MAGI1: variants seen among roughly 807,000 people sequenced by gnomAD.
The protein encoded by MAGI1 is membrane associated guanylate kinase, WW and PDZ domain containing 1, also known as membrane-associated guanylate kinase, WW and PDZ domain-containing protein 1.
MAGI1 carries 58 observed loss-of-function variants against 139.9 expected under a neutral mutation model. The ratio of observed to expected loss-of-function variants is 0.41; its 90% CI spans 0.34 to 0.52. The LOEUF is 0.52. Ranked by LOEUF, MAGI1 falls within the 20% of genes least tolerant of loss-of-function variation. MAGI1 has a pLI of 0.12. For missense variants in MAGI1, 1,874 were observed against 1,901.6 expected, an observed-to-expected ratio of 0.99 and a Z score of 0.27; for synonymous variants, 812 against 737.9, an observed-to-expected ratio of 1.10 and a Z score of -1.63.
At chr3:65,608,268 C>A (rs1400305227) in intron 2 of MAGI1, among the ~76,000 whole-genome samples, 1 of 151,938 alleles carries the variant, frequency 6.6e-6, no homozygotes, top group Non-Finnish European at 1.5e-5. Flanking sequence ...ATGGTGAAAC[C>A]CAGTCTGTAC....
chr3:65,753,365 C>A (rs1220576908), intron 1 of MAGI1, among the ~76,000 whole-genome samples: 1 of 152,176 alleles, frequency 6.6e-6, no homozygotes, highest in Non-Finnish European at 1.5e-5. Flanking sequence ...TATTATCTCA[C>A]TGAATCTTCA....
chr3:65,916,538 A>G (rs528746465), intron 1 of MAGI1, among the ~76,000 whole-genome samples: 2 of 152,254 alleles, frequency 1.3e-5, no homozygotes, highest in South Asian at 4.2e-4. Context: ...ACCATCAGAT[A>G]TTGTGAGACT....
chr3:65,923,946 G>A (rs1576076135), intron 1 of MAGI1, among the ~76,000 whole-genome samples: 2 of 152,200 alleles, frequency 1.3e-5, no homozygotes, highest in African/African-American at 4.8e-5. Flanking sequence ...TTTATATTAA[G>A]AGTAATATTA....
intron 1 of MAGI1, among the ~76,000 whole-genome samples, chr3:65,805,179 AATCT>A (rs1175250533): frequency 1.3e-5 from 2 of 152,230 alleles, no homozygotes; most frequent in Non-Finnish European, 1.5e-5. Flanking sequence ...AAATTTTTGA[AATCT>A]ATCTATCTGA....
intron 1 of MAGI1, among the ~76,000 whole-genome samples, chr3:65,848,959 C>T (rs565444180): frequency 7.1e-6 from 1 of 141,170 alleles, no homozygotes; most frequent in East Asian, 2.4e-4. Context: ...ATCACTTGCA[C>T]TCCAAACACT....
Position 65,429,885 on chromosome 3 carries a change from T to G in MAGI1, c.1802A>C (p.Lys601Thr), listed in dbSNP as rs747607313. ...SPASHSSKTG[K>T]VNGMKDARPS... ...CCTGGCATCCTTCATGCCATTGACT[T>G]TGCCTGTTTTACTACTGTGGCTAGC... The change falls in exon 12 of 23, where the codon AAA (lysine) becomes ACA (threonine). Residue 601 changes from lysine (K) to threonine (T), a missense_variant. Lys to Thr is a moderately conservative substitution (Grantham distance 78). Transcript: ENST00000402939. 4.8e-5 allele frequency: 77 copies of G among 1,613,942 alleles called. No homozygotes were observed. The highest frequency in any genetic ancestry group is 6.8e-6 in the Non-Finnish European group (8 of 1,179,980).
At chr3:66,025,802 T>G (rs1230311285) in intron 1 of MAGI1, among the ~76,000 whole-genome samples, 3 of 152,178 alleles carry the variant, frequency 2.0e-5, no homozygotes, top group African/African-American at 7.2e-5. Flanking sequence ...CATATTTTTC[T>G]GCCATATTAA....
chr3:65,984,492 T>C (rs1312668504), intron 1 of MAGI1, among the ~76,000 whole-genome samples: 4 of 145,130 alleles, frequency 2.8e-5, no homozygotes, highest in African/African-American at 1.1e-4. Flanking sequence ...ACACGTTTAA[T>C]ATAATATTTT....
chr3:65,569,411 A>G (rs1399773329), intron 2 of MAGI1, among the ~76,000 whole-genome samples: 1 of 152,214 alleles, frequency 6.6e-6, no homozygotes, highest in Non-Finnish European at 1.5e-5. Flanking sequence ...ATATGCACTT[A>G]AAATGGTTAA....
chr3:65,548,797 A>G (rs956354928), intron 2 of MAGI1, among the ~76,000 whole-genome samples: 1 of 152,126 alleles, frequency 6.6e-6, no homozygotes, highest in African/African-American at 2.4e-5. Context: ...TACTGGGATT[A>G]CAGGTGTAAG....
At chr3:65,441,648 C>A (rs1370434436) in intron 8 of MAGI1, among the ~76,000 whole-genome samples, 1 of 152,120 alleles carries the variant, frequency 6.6e-6, no homozygotes, top group Non-Finnish European at 1.5e-5. Context: ...ATAGCAAAAA[C>A]CCCACAGTAC....
intron 1 of MAGI1, among the ~76,000 whole-genome samples, chr3:65,801,341 A>C (rs1302912267): frequency 6.6e-6 from 1 of 152,198 alleles, no homozygotes; most frequent in Non-Finnish European, 1.5e-5. Context: ...GAGGGAAAGA[A>C]AATCCAAAGC....
chr3:65,422,190 G>A (rs1946675849), intron 12 of MAGI1, among the ~76,000 whole-genome samples: 3 of 152,332 alleles, frequency 2.0e-5, no homozygotes. Context: ...AGCTCTTGAA[G>A]TGCGGACAGA....
chr3:65,792,507 T>G (rs1437613901), intron 1 of MAGI1, among the ~76,000 whole-genome samples: 4 of 82,106 alleles, frequency 4.9e-5, no homozygotes, highest in Non-Finnish European at 8.1e-5. Context: ...ACTAATACAG[T>G]TTTTTATTAA....
In MAGI1 at chr3:65,489,947, T is replaced by C. The variant is rs111900242; in HGVS notation, c.550+3565A>G. 7.0e-3 allele frequency among the ~76,000 whole-genome samples: 1,064 copies of C among 152,328 alleles called. 11 individuals are homozygous for C. The highest frequency in any genetic ancestry group is 7.6e-3 in the Non-Finnish European group (516 of 68,036). ...TCCTTTAAAGAGTGCTTTGTGTTGT[T>C]GTGGTAGACTTTTCCTCTCTGGAAC... On this transcript the variant is annotated intron_variant, in intron 3 of 22. Transcript: ENST00000402939.
intron 1 of MAGI1, among the ~76,000 whole-genome samples, chr3:66,025,439 C>G (rs1355520242): frequency 1.3e-5 from 2 of 152,266 alleles, no homozygotes; most frequent in African/African-American, 4.8e-5. Flanking sequence ...AGTCAGTAGG[C>G]TGGGATGGGA....
chr3:65,728,837 A>G (rs571712186), intron 1 of MAGI1, among the ~76,000 whole-genome samples: 1 of 152,294 alleles, frequency 6.6e-6, no homozygotes, highest in East Asian at 1.9e-4. Flanking sequence ...TTCCTCTAGT[A>G]GAACTTGAGT....
chr3:65,542,222 G>A (rs1452458857), intron 2 of MAGI1, among the ~76,000 whole-genome samples: 1 of 152,164 alleles, frequency 6.6e-6, no homozygotes, highest in Non-Finnish European at 1.5e-5. Context: ...GGGATGTGAA[G>A]GAACTCTTCA....
At chr3:65,805,616 C>G (rs549948359) in intron 1 of MAGI1, among the ~76,000 whole-genome samples, 1 of 152,264 alleles carries the variant, frequency 6.6e-6, no homozygotes, top group East Asian at 1.9e-4. Context: ...ATAAATCATT[C>G]TATTACAAAG....
Sources: gnomAD v4.1 joint callset for allele counts (sites outside exome capture counted in the v4.1 genomes callset) on GRCh38, gnomAD v4.1.1 for gene constraint, MANE v1.5 for transcripts, NCBI Gene and HGNC (gene_info 2026-07-23, HGNC 2026-07-21) for gene names.